Variants in EPHA6 observed in about 807,000 individuals in gnomAD.
The protein encoded by EPHA6 is EPH receptor A6, also known as ephrin type-A receptor 6.
A neutral mutation model predicts 112.0 loss-of-function variants in EPHA6; 50 were observed. That is an observed-to-expected ratio of 0.45 (90% CI 0.36 to 0.56). The LOEUF is 0.56. EPHA6 is among the 20% of genes least tolerant of loss of function. EPHA6 has a pLI of 0.00. For synonymous variants in EPHA6, 529 were observed against 490.7 expected, an observed-to-expected ratio of 1.08 and a Z score of -1.03; for missense variants, 1,280 against 1,417.4, an observed-to-expected ratio of 0.90 and a Z score of 1.56.
At chr3:96,826,502 G>A (rs188378164) in intron 1 of EPHA6, among the ~76,000 whole-genome samples, 4 of 152,126 alleles carry the variant, frequency 2.6e-5, no homozygotes, top group South Asian at 2.1e-4. Flanking sequence ...TACTCTCCAA[G>A]TCTAAGATTA....
At position 97,375,095 on chromosome 3, in the gene EPHA6, A is replaced by G. The variant is rs116149925; in HGVS notation, c.1607-30055A>G. ...TCACTATTTTTTCCTATTTCTCCAC[A>G]AATTAAAGGTTCTCTGTCATTCCCC... On this transcript the variant is annotated intron_variant, in intron 5 of 17. Coordinates refer to ENST00000389672, the MANE Select transcript of EPHA6 (RefSeq NM_001080448.3). 6.4e-3 allele frequency among the ~76,000 whole-genome samples: 979 copies of G among 152,222 alleles called. 11 individuals carry two copies. The highest frequency in any genetic ancestry group is 0.022 in the African/African-American group (894 of 41,550).
intron 5 of EPHA6, among the ~76,000 whole-genome samples, chr3:97,256,187 C>A (rs1456991832): frequency 6.6e-6 from 1 of 151,964 alleles, no homozygotes; most frequent in African/African-American, 2.4e-5. Context: ...TGTTTTATTT[C>A]ACTACTAATT....
intron 2 of EPHA6, among the ~76,000 whole-genome samples, chr3:96,911,840 T>C (rs564046124): frequency 1.3e-5 from 2 of 152,216 alleles, no homozygotes; most frequent in South Asian, 4.1e-4. Flanking sequence ...TTAATCTACC[T>C]ATTTCAGTAT....
intron 3 of EPHA6, among the ~76,000 whole-genome samples, chr3:97,202,664 A>G (rs910404952): frequency 5.9e-5 from 9 of 152,072 alleles, no homozygotes; most frequent in Non-Finnish European, 8.8e-5. Context: ...GAATAGTAAT[A>G]ACAATTTACC....
chr3:97,171,367 A>G (rs1317879106), intron 3 of EPHA6, among the ~76,000 whole-genome samples: 3 of 152,156 alleles, frequency 2.0e-5, no homozygotes, highest in Non-Finnish European at 2.9e-5. Context: ...AGGAAAATTT[A>G]TGTGTAGGAG....
chr3:97,416,316 A>G (rs2088120613), intron 6 of EPHA6, among the ~76,000 whole-genome samples: 1 of 152,114 alleles, frequency 6.6e-6, no homozygotes, highest in Admixed American at 6.6e-5. Flanking sequence ...TTGGCAATCT[A>G]AAGTTATATT....
intron 5 of EPHA6, among the ~76,000 whole-genome samples, chr3:97,362,415 A>T (rs1230686965): frequency 6.6e-6 from 1 of 152,094 alleles, no homozygotes; most frequent in African/African-American, 2.4e-5. Context: ...ATTTAGAATT[A>T]AAATTTAGAA....
chr3:97,573,235 A>G (rs1018338646), intron 11 of EPHA6, among the ~76,000 whole-genome samples: 1 of 152,200 alleles, frequency 6.6e-6, no homozygotes, highest in Non-Finnish European at 1.5e-5. Flanking sequence ...TGAGTTTCTC[A>G]ATCTGCTTCT....
chr3:96,911,447 A>G (rs2039208529), intron 2 of EPHA6, among the ~76,000 whole-genome samples: 3 of 152,068 alleles, frequency 2.0e-5, no homozygotes, highest in Admixed American at 2.0e-4. Context: ...AAGTTTAGGT[A>G]GATATAGTAA....
intron 3 of EPHA6, among the ~76,000 whole-genome samples, chr3:97,096,596 G>A (rs2047245740): frequency 6.6e-6 from 1 of 151,740 alleles, no homozygotes; most frequent in South Asian, 2.1e-4. Context: ...GCCAGCCTGG[G>A]CATTTAAAAT....
intron 14 of EPHA6, among the ~76,000 whole-genome samples, chr3:97,647,173 G>T (rs2094071376): frequency 6.6e-6 from 1 of 152,220 alleles, no homozygotes; most frequent in East Asian, 1.9e-4. Flanking sequence ...AAAGCAAAGA[G>T]AGCTGGGTTG....
intron 2 of EPHA6, among the ~76,000 whole-genome samples, chr3:96,981,647 C>T (rs575885430): frequency 4.3e-4 from 66 of 152,056 alleles, no homozygotes; most frequent in Non-Finnish European, 8.7e-4. Context: ...CCTCCTTGTA[C>T]CTCTGACAGA....
At position 97,458,554 on chromosome 3, in the gene EPHA6, A is replaced by G. The variant is rs147377387; in HGVS notation, c.1894+9824A>G. ...CGTAAGTGTGTGTATATATATGTAC[A>G]TATATACACACATTCATATATATAA... On this transcript the variant is annotated intron_variant, in intron 7 of 17. Coordinates refer to ENST00000389672, the MANE Select transcript of EPHA6 (RefSeq NM_001080448.3). 4.5e-3 allele frequency among the ~76,000 whole-genome samples: 691 copies of G among 152,288 alleles called. 5 individuals carry two copies. The highest frequency in any genetic ancestry group is 0.016 in the African/African-American group (662 of 41,572).
At chr3:97,135,233 G>A (rs1167397764) in intron 3 of EPHA6, among the ~76,000 whole-genome samples, 3 of 152,292 alleles carry the variant, frequency 2.0e-5, no homozygotes, top group East Asian at 3.9e-4. Context: ...CCAGCATTCA[G>A]AACTTGGCTT....
intron 2 of EPHA6, among the ~76,000 whole-genome samples, chr3:96,958,258 C>G (rs1030271707): frequency 2.0e-5 from 3 of 151,564 alleles, no homozygotes; most frequent in Admixed American, 6.6e-5. Flanking sequence ...CCATTGCACT[C>G]CAGCCTGGAT....
chr3:97,646,134 A>C (rs1333896195), intron 14 of EPHA6: 1 of 1,528,434 alleles, frequency 6.5e-7, no homozygotes, highest in Admixed American at 2.0e-5. Context: ...CACAAATCAC[A>C]ACAAAGAGCA....
chr3:97,657,370 G>A (rs1325811214), intron 14 of EPHA6, among the ~76,000 whole-genome samples: 4 of 151,704 alleles, frequency 2.6e-5, no homozygotes, highest in Non-Finnish European at 5.9e-5. Context: ...AGAAGTCAAG[G>A]AATAAACTAT....
intron 3 of EPHA6, among the ~76,000 whole-genome samples, chr3:97,047,499 C>CAAAAAA (rs556388538): frequency 1.1e-4 from 5 of 46,450 alleles, no homozygotes; most frequent in Non-Finnish European, 1.4e-4. Flanking sequence ...GACTCTGTCT[C>CAAAAAA]AAAAAAAAAA....
intron 3 of EPHA6, among the ~76,000 whole-genome samples, chr3:97,194,374 T>C (rs977615815): frequency 6.6e-6 from 1 of 151,872 alleles, no homozygotes; most frequent in Non-Finnish European, 1.5e-5. Context: ...GTTTTGATAG[T>C]TTCTAATGTT....
Sources: gnomAD v4.1 joint callset for allele counts (sites outside exome capture counted in the v4.1 genomes callset) on GRCh38, gnomAD v4.1.1 for gene constraint, MANE v1.5 for transcripts, NCBI Gene and HGNC (gene_info 2026-07-23, HGNC 2026-07-21) for gene names.